The following NIT1 variants were observed in gnomAD, a reference collection of about 807,000 sequenced individuals.
NIT1 encodes the protein nitrilase 1.
NIT1 carries 30 observed loss-of-function variants against 36.8 expected under a neutral mutation model. The observed-to-expected ratio is 0.82, with a 90% CI of 0.61 to 1.11. NIT1 has a LOEUF of 1.11. Among genes scored for constraint, NIT1 ranks in the 50% least tolerant of loss-of-function variants. The probability of loss-of-function intolerance (pLI) is 0.00; values close to 1 mark genes in which losing one functional copy is unlikely to be tolerated. For missense variants in NIT1, 438 were observed against 410.6 expected, an observed-to-expected ratio of 1.07 and a Z score of -0.58; for synonymous variants, 151 against 155.6, an observed-to-expected ratio of 0.97 and a Z score of 0.22.
chr1:161,118,802 A>G lies in NIT1; in HGVS notation c.19A>G (p.Arg7Gly), dbSNP rs150000793. The G allele has an allele frequency of 5.6e-6, 9 of 1,613,642 alleles. No homozygotes were observed. In the African/African-American group the frequency reaches 1.2e-4, roughly 22 times the overall value. Residue 7 changes from arginine (R) to glycine (G), a missense_variant, in exon 2 of 7, where the codon AGG (arginine) becomes GGG (glycine). Arg to Gly is a moderately radical substitution (Grantham distance 125, BLOSUM62 -2). Transcript: ENST00000368009. Reference protein sequence around the residue: MLGFITRPPHRFLSLLC... With the variant: MLGFITGPPHRFLSLLC... ...CTTCCTCAGGCTGGGCTTCATCACC[A>G]GGCCTCCTCACAGATTCCTGTCCCT...
rs1371592508 is a variant in NIT1, at chr1:161,121,065, G to A, written c.*300G>A. The A allele has an allele frequency of 3.3e-6, 4 of 1,224,902 alleles. No homozygotes were observed. The African/African-American group carries it at 4.6e-5, about 14-fold the overall frequency. 75.9% of individuals were successfully genotyped at this position (1,224,902 alleles called of 1,614,324 possible). A position where few individuals can be genotyped will look rare whatever the true frequency, so the allele number is the denominator to read the frequency against. On this transcript the variant is annotated 3_prime_UTR_variant, in exon 7 of 7. Coordinates refer to ENST00000368009, the MANE Select transcript of NIT1 (RefSeq NM_005600.3). Reference sequence around the variant, plus strand: ...CATTGAAAAATATAATAATCATAAAGTCTGTGTCTGGACATCGCCTTTGGG... The same window carrying A: ...CATTGAAAAATATAATAATCATAAAATCTGTGTCTGGACATCGCCTTTGGG...
chr1:161,123,428 A>G (rs113514276), downstream of NIT1, among the ~76,000 whole-genome samples: 44 of 152,292 alleles, frequency 2.9e-4, no homozygotes, highest in African/African-American at 1.0e-3. Flanking sequence ...TCATGAGGTC[A>G]GGAGATCGAG....
Position 161,119,571 on chromosome 1 carries a change from C to T in NIT1, c.416C>T (p.Thr139Ile), listed in dbSNP as rs1315360237. ...FHERGQDWEQ[T>I]QKIYNCHVLL... The stretch of plus-strand genomic sequence containing the variant: ...GAGCGTGGCCAAGACTGGGAGCAGA[C>T]TCAGAAAATCTACAATTGTCACGTG... Residue 139 changes from threonine to isoleucine, a missense_variant, in exon 4 of 7, where the codon ACT becomes ATT. Thr to Ile is a moderately conservative substitution (Grantham distance 89, BLOSUM62 -1). Coordinates refer to ENST00000368009, the MANE Select transcript of NIT1 (RefSeq NM_005600.3). The T allele has an allele frequency of 2.5e-6, 4 of 1,614,076 alleles. No homozygotes were observed. In the South Asian group the frequency reaches 4.4e-5, roughly 18 times the overall value.
downstream of NIT1, chr1:161,125,382 AG>A (rs1406383175): frequency 6.6e-6 from 1 of 152,232 alleles, no homozygotes; most frequent in Admixed American, 6.5e-5. Flanking sequence ...ATAACTGCTC[AG>A]AAAGTTTATC....
In NIT1 at chr1:161,121,000, C is replaced by A. The variant is rs1655429841; in HGVS notation, c.*235C>A. On this transcript the variant is annotated 3_prime_UTR_variant, in exon 7 of 7. Transcript: ENST00000368009. The stretch of plus-strand genomic sequence containing the variant: ...AATTTTATATAGTCATTGTTTATTT[C>A]ATGGAAACTGAAGTTCTGCTGAGGG... 2 of 1,391,010 alleles carry A rather than the reference C, an allele frequency of 1.4e-6. No homozygotes were observed. The highest frequency in any genetic ancestry group is 1.9e-6 in the Non-Finnish European group (2 of 1,073,934). 86.2% of individuals were successfully genotyped at this position (1,391,010 alleles called of 1,614,324 possible).
chr1:161,118,139 C>G lies in NIT1; in HGVS notation c.-38C>G. 6.2e-7 allele frequency: 1 copy of G among 1,613,938 alleles called. No homozygotes were observed. The highest frequency in any genetic ancestry group is 2.2e-5 in the East Asian group (1 of 44,884). On this transcript the variant is annotated 5_prime_UTR_variant, in exon 1 of 7. Coordinates refer to ENST00000368009, the MANE Select transcript of NIT1 (RefSeq NM_005600.3). ...GGCGCTTCTGGCTCCAGACCGCCCT[C>G]CGGATCGGACCCTGCGAATGGTTTT... is the stretch of plus-strand genomic sequence containing the variant.
chr1:161,123,488 T>G (rs917690743), downstream of NIT1, among the ~76,000 whole-genome samples: 2 of 151,900 alleles, frequency 1.3e-5, no homozygotes, highest in Admixed American at 6.6e-5. Context: ...TACAAAAAAT[T>G]AGCTGGGCGT....
rs1347198121 is a variant in NIT1 at position 161,119,323 on chromosome 1, A to G, written c.288A>G (p.Ala96=). 1.9e-6 allele frequency: 3 copies of G among 1,614,100 alleles called. No homozygotes were observed. The highest frequency in any genetic ancestry group is 2.7e-5 in the African/African-American group (2 of 74,922). The stretch of plus-strand genomic sequence containing the variant: ...TTGACTTCATTGCACGGGACCCTGC[A>G]GAGACGCTACACCTGTCTGAACCAC... ...EAFDFIARDP[A]ETLHLSEPLG... is the part of the protein sequence containing the mutation. The change falls in exon 3 of 7, where the codon GCA becomes GCG. Residue 96 remains alanine, a synonymous_variant. Transcript: ENST00000368009.
chr1:161,118,478 A>C, intron 1 of NIT1: 2 of 1,536,168 alleles, frequency 1.3e-6, no homozygotes, highest in Non-Finnish European at 1.7e-6. Context: ...GTCTTGGGAA[A>C]ACCAAGGATA....
At chr1:161,121,928 G>C (rs539808616), downstream of NIT1, 3 of 564,624 alleles carry the variant, frequency 5.3e-6, no homozygotes, top group East Asian at 9.0e-5. Flanking sequence ...GACACATTAC[G>C]GGGTAAATGG....
chr1:161,120,482 A>C lies in NIT1; in HGVS notation c.718-17A>C. 6.2e-7 allele frequency: 1 copy of C among 1,611,652 alleles called. No individual in the cohort carries two copies. Among genetic ancestry groups the C allele is most frequent in the African/African-American group, 1.3e-5 (1 of 74,994 alleles). ...ATTTGCTACATGTACTTAAGTGAACACACATCTCATGCCCAGGTGTTGCTG... is the reference window on the plus strand; with the variant it reads ...ATTTGCTACATGTACTTAAGTGAACCCACATCTCATGCCCAGGTGTTGCTG... On this transcript the variant is annotated splice_polypyrimidine_tract_variant and intron_variant, in intron 6 of 6. Transcript: ENST00000368009.
At chr1:161,118,269 G>A in intron 1 of NIT1, 91 bp downstream of exon 1, 1 of 1,607,510 alleles carries the variant, frequency 6.2e-7, no homozygotes, top group Non-Finnish European at 8.5e-7. Context: ...TGGGAGAGGC[G>A]GGGAGGGACG....
rs767909234 is a variant in NIT1, at chr1:161,119,500, T to TC, written c.354-3dup. 5.6e-6 allele frequency: 9 copies of TC among 1,613,400 alleles called. No homozygotes were observed. The highest frequency in any genetic ancestry group is 1.1e-5 in the South Asian group (1 of 91,058). ...TCAGTGAAGAGTTGTCAGTGTCCCTTCCCCCCAGGGAATGTGGACTCTGGC... is the reference window on the plus strand; with the variant it reads ...TCAGTGAAGAGTTGTCAGTGTCCCTTCCCCCCCAGGGAATGTGGACTCTGGC... On this transcript the variant is annotated splice_polypyrimidine_tract_variant and intron_variant, in intron 3 of 6. Coordinates refer to ENST00000368009, the MANE Select transcript of NIT1 (RefSeq NM_005600.3).
chr1:161,118,335 G>A, intron 1 of NIT1, 157 bp downstream of exon 1: 3 of 1,526,468 alleles, frequency 2.0e-6, no homozygotes, highest in Non-Finnish European at 2.6e-6. Flanking sequence ...TTGGGGCCTG[G>A]GTTCCTTTGC....
At chr1:161,122,323 G>A, downstream of NIT1, 2 of 1,614,188 alleles carry the variant, frequency 1.2e-6, no homozygotes, top group Non-Finnish European at 8.5e-7. The surrounding 1 kb of genome is among the most constrained non-coding windows in gnomAD (Gnocchi z 4.2). Context: ...ATGTAGTCAC[G>A]CCAGAATGCA....
chr1:161,118,488 A>G, intron 1 of NIT1: 1 of 1,536,178 alleles, frequency 6.5e-7, no homozygotes. Flanking sequence ...AACCAAGGAT[A>G]GTTCCCGGAG....
downstream of NIT1, chr1:161,124,110 C>T (rs762845334): frequency 6.3e-7 from 1 of 1,596,844 alleles, no homozygotes; most frequent in Non-Finnish European, 8.6e-7. Flanking sequence ...CAACTCTTCC[C>T]TGATTCCAGC....
chr1:161,120,390 G>C, intron 6 of NIT1, 109 bp from the exon 7 acceptor site: 1 of 1,456,646 alleles, frequency 6.9e-7, no homozygotes, highest in Non-Finnish European at 9.4e-7. Context: ...TCATTCCTAG[G>C]CAATTACCAA....
At chr1:161,124,578 TCATGCATTCCC>T, downstream of NIT1, 1 of 1,476,082 alleles carries the variant, frequency 6.8e-7, no homozygotes. Context: ...GGAACTAGTC[TCATGCATTCCC>T]ATATTCCCAG....
Sources: allele counts gnomAD v4.1 joint callset (sites outside exome capture counted in the v4.1 genomes callset), GRCh38; gene constraint gnomAD v4.1.1; non-coding constraint Gnocchi (gnomAD v3.1); transcripts MANE v1.5; gene names NCBI Gene and HGNC (gene_info 2026-07-23, HGNC 2026-07-21).